TRPM3: variants seen among roughly 807,000 people sequenced by gnomAD.
TRPM3 encodes the protein long transient receptor potential channel 3.
TRPM3 carries 77 observed loss-of-function variants against 181.2 expected under a neutral mutation model. That is an observed-to-expected ratio of 0.42 (90% confidence interval 0.35 to 0.51). The LOEUF is 0.51. TRPM3 is among the 20% of genes least tolerant of loss of function. The pLI is 0.01. For missense variants in TRPM3, 1,759 were observed against 2,196.7 expected (o/e 0.80, Z 3.98); for synonymous variants, 745 against 796.4 (o/e 0.94, Z 1.09).
At chr9:70,844,398 A>C (rs1009021904) in intron 4 of TRPM3, among the ~76,000 whole-genome samples, 1 of 151,578 alleles carries the variant, frequency 6.6e-6, no homozygotes, top group Admixed American at 6.6e-5. Context: ...TTATTATCTT[A>C]TCTATGAATC....
rs570990031 is a variant in TRPM3 at position 70,875,068 on chromosome 9, C to T, written c.178-10557G>A. ...AAGGTACAGACTTAAATCTGGCTGT[C>T]GGATCTTGTTTCTGAAATCCCTATT... On this transcript the variant is annotated intron_variant, in intron 1 of 25. Coordinates refer to ENST00000677713, the MANE Select transcript of TRPM3 (RefSeq NM_001366145.2). 2.6e-5 allele frequency among the ~76,000 whole-genome samples: 4 copies of T among 151,992 alleles called. No homozygotes were observed. The East Asian group carries it at 7.8e-4, about 30-fold the overall frequency.
intron 1 of TRPM3, among the ~76,000 whole-genome samples, chr9:71,409,640 C>T (rs2093505076): frequency 6.6e-6 from 1 of 152,168 alleles, no homozygotes; most frequent in African/African-American, 2.4e-5. Context: ...GAGACTTAGA[C>T]TCCCACACAA....
chr9:71,390,257 A>G (rs2093031454), intron 1 of TRPM3, among the ~76,000 whole-genome samples: 1 of 152,062 alleles, frequency 6.6e-6, no homozygotes, highest in South Asian at 2.1e-4. Flanking sequence ...AAAGAAGAGA[A>G]GTGGGTAAGG....
At chr9:71,402,595 A>C (rs1194982933) in intron 1 of TRPM3, among the ~76,000 whole-genome samples, 2 of 152,206 alleles carry the variant, frequency 1.3e-5, no homozygotes, top group African/African-American at 2.4e-5. Flanking sequence ...CTAAATTTAA[A>C]ATTGTACTTA....
At chr9:71,205,398 A>G (rs2079065444) in intron 1 of TRPM3, among the ~76,000 whole-genome samples, 1 of 152,078 alleles carries the variant, frequency 6.6e-6, no homozygotes. Context: ...TCCACTCTAA[A>G]CTTGTTTGAG....
Position 70,531,898 on chromosome 9 carries a change from G to C in TRPM3, c.*4055C>G, listed in dbSNP as rs2040928537. ...ACATGAAAAGCATCAAGCAGATCAG[G>C]AACAAAAATGCCCGGTTCACAAAGA... On this transcript the variant is annotated 3_prime_UTR_variant, in exon 26 of 26. Coordinates refer to ENST00000677713, the MANE Select transcript of TRPM3 (RefSeq NM_001366145.2). 1 of 151,988 alleles carries C rather than the reference G, an allele frequency of 6.6e-6. No individual in the cohort carries two copies. The highest frequency in any genetic ancestry group is 1.5e-5 in the Non-Finnish European group (1 of 68,002). The allele number at this position is 151,988 out of a possible 1,614,324, so 9.4% of individuals were successfully genotyped here. A position where few individuals can be genotyped will look rare whatever the true frequency, so the allele number is the denominator to read the frequency against.
At chr9:71,200,775 G>C (rs1033245073) in intron 1 of TRPM3, among the ~76,000 whole-genome samples, 1 of 152,052 alleles carries the variant, frequency 6.6e-6, no homozygotes, top group Admixed American at 6.5e-5. Context: ...GTCTCTGCAC[G>C]TGAGATGGGT....
At chr9:71,385,858 A>ACACACCTGGTG in intron 1 of TRPM3, among the ~76,000 whole-genome samples, 1 of 151,902 alleles carries the variant, frequency 6.6e-6, no homozygotes, top group Admixed American at 6.6e-5. Context: ...GTGTGCACCA[A>ACACACCTGGTG]CACACCTGGC....
chr9:70,629,216 G>GGGGGT (rs1491269484), intron 12 of TRPM3, among the ~76,000 whole-genome samples: 1 of 60,200 alleles, frequency 1.7e-5, no homozygotes, highest in African/African-American at 7.8e-5. Context: ...GACCAGTGCC[G>GGGGGT]GGGGGGGGGG....
In TRPM3 at chr9:70,532,515, T is replaced by C. The variant is rs895803717; in HGVS notation, c.*3438A>G. ...TTGCAGAGATAATACAAACTAGTCA[T>C]GAAAATTGTACCCAAGCTTTCCAGC... On this transcript the variant is annotated 3_prime_UTR_variant, in exon 26 of 26. Transcript: ENST00000677713. 6.6e-6 allele frequency: 1 copy of C among 152,204 alleles called. No individual in the cohort carries two copies. Among genetic ancestry groups the C allele is most frequent in the Non-Finnish European group, 1.5e-5 (1 of 68,040 alleles). The allele number at this position is 152,204 out of a possible 1,614,324, so 9.4% of individuals were successfully genotyped here.
At chr9:71,446,781 C>T (rs1255854207) in exon 1 of TRPM3, 5 of 1,550,322 alleles carry the variant, frequency 3.2e-6, no homozygotes, top group Non-Finnish European at 4.4e-6. Context: ...GCGTTGTCCT[C>T]GCGGTCGGAG....
intron 1 of TRPM3, among the ~76,000 whole-genome samples, chr9:71,293,784 T>A (rs1423565965): frequency 6.6e-6 from 1 of 151,964 alleles, no homozygotes; most frequent in African/African-American, 2.4e-5. Flanking sequence ...TCCCTACCAG[T>A]TATTAAGACT....
At chr9:71,035,144 A>G (rs1427289902) in intron 1 of TRPM3, among the ~76,000 whole-genome samples, 1 of 152,094 alleles carries the variant, frequency 6.6e-6, no homozygotes, top group African/African-American at 2.4e-5. Context: ...CCCTAAATTC[A>G]TTGCTTTTTC....
intron 1 of TRPM3, among the ~76,000 whole-genome samples, chr9:71,320,619 T>C (rs2089130718): frequency 6.6e-6 from 1 of 152,190 alleles, no homozygotes; most frequent in African/African-American, 2.4e-5. Context: ...GTATAAATAC[T>C]GAAGTTCCTC....
At chr9:70,790,865 T>C (rs902665999) in intron 6 of TRPM3, among the ~76,000 whole-genome samples, 1 of 152,198 alleles carries the variant, frequency 6.6e-6, no homozygotes. Context: ...GGTACAACTG[T>C]GGAAATATTA....
intron 1 of TRPM3, among the ~76,000 whole-genome samples, chr9:71,055,415 T>G (rs938269757): frequency 6.6e-6 from 1 of 151,864 alleles, no homozygotes; most frequent in Non-Finnish European, 1.5e-5. Context: ...TCACACAGAG[T>G]TTGGAAAAGT....
intron 1 of TRPM3, among the ~76,000 whole-genome samples, chr9:71,264,252 A>T (rs1482388652): frequency 6.6e-6 from 1 of 152,132 alleles, no homozygotes; most frequent in Admixed American, 6.6e-5. Flanking sequence ...AGGAAGAAAA[A>T]CGCATTGTGG....
chr9:71,101,358 C>A (rs544293200), intron 1 of TRPM3, among the ~76,000 whole-genome samples: 1 of 152,246 alleles, frequency 6.6e-6, no homozygotes, highest in East Asian at 1.9e-4. Flanking sequence ...TTAGTCCTCA[C>A]TGATTTCCTT....
At chr9:71,048,696 G>A (rs1302198490) in intron 1 of TRPM3, among the ~76,000 whole-genome samples, 1 of 152,200 alleles carries the variant, frequency 6.6e-6, no homozygotes, top group Non-Finnish European at 1.5e-5. Flanking sequence ...TAGAGCTGGA[G>A]TCTTGCTTGA....
Sources: gnomAD v4.1 joint callset for allele counts (sites outside exome capture counted in the v4.1 genomes callset) on GRCh38, gnomAD v4.1.1 for gene constraint, MANE v1.5 for transcripts, NCBI Gene and HGNC (gene_info 2026-07-23, HGNC 2026-07-21) for gene names.